AP2S1: variants seen among roughly 807,000 people sequenced by gnomAD.
AP2S1 encodes the protein adaptor related protein complex 2 subunit sigma 1.
Under a neutral mutation model 21.0 loss-of-function variants are expected in AP2S1, and 6 were observed. That is an observed-to-expected ratio of 0.29 (90% confidence interval 0.16 to 0.56). AP2S1 has a LOEUF of 0.56. Among genes scored for constraint, AP2S1 ranks in the 20% least tolerant of loss-of-function variants. AP2S1 has a pLI of 0.92. For missense variants in AP2S1, 60 were observed against 186.2 expected (o/e 0.32, Z 3.95); for synonymous variants, 63 against 74.6 (o/e 0.84, Z 0.80).
chr19:46,844,699 C>T (rs1423831974), intron 2 of AP2S1, among the ~76,000 whole-genome samples: 1 of 152,168 alleles, frequency 6.6e-6, no homozygotes, highest in Non-Finnish European at 1.5e-5. Context: ...ACTCAGGAGG[C>T]TGAGGTGGGA....
intron 2 of AP2S1, 132 bp downstream of exon 2, chr19:46,845,861 A>C: frequency 3.3e-6 from 4 of 1,202,436 alleles, no homozygotes; most frequent in Non-Finnish European, 3.5e-6. Context: ...AAGCAAGCTC[A>C]AAGCAGGTTG....
intron 1 of AP2S1, among the ~76,000 whole-genome samples, chr19:46,846,576 T>C (rs954306217): frequency 3.3e-5 from 5 of 151,772 alleles, no homozygotes; most frequent in East Asian, 1.9e-4. Context: ...GTGCCCTGCT[T>C]TGTCTGCCCC....
rs755655665 is a variant in AP2S1 at position 46,850,636 on chromosome 19, C to T, written c.3+128G>A. 22 of 917,480 alleles carry T rather than the reference C, an allele frequency of 2.4e-5. No individual in the cohort carries two copies. The South Asian group carries it at 2.9e-4, about 12-fold the overall frequency. 56.8% of individuals were successfully genotyped at this position (917,480 alleles called of 1,614,324 possible). Reference sequence around the variant, plus strand: ...TTCCCGGCCCTGGATCGGTCCCAATCCCCAGAGCCCGCGCCTGACCCAGAC... The same window carrying T: ...TTCCCGGCCCTGGATCGGTCCCAATTCCCAGAGCCCGCGCCTGACCCAGAC... On this transcript the variant is annotated intron_variant, in intron 1 of 4. Coordinates refer to ENST00000263270, the MANE Select transcript of AP2S1 (RefSeq NM_004069.6).
chr19:46,846,026 G>A lies in AP2S1; in HGVS notation c.120C>T (p.Thr40=), dbSNP rs890897569. The part of the protein sequence containing the change: ...KLIEEVHAVV[T]VRDAKHTNFV... ...AGTTGGTGTGTTTGGCGTCTCGGAC[G>A]GTGACCACGGCATGCACCTCCTCGA... is the stretch of plus-strand genomic sequence containing the variant. The change falls in exon 2 of 5, where the codon ACC becomes ACT. Residue 40 remains threonine (T), a synonymous_variant. Transcript: ENST00000263270. 43 of 1,613,994 alleles carry A rather than the reference G, an allele frequency of 2.7e-5. No homozygotes were observed. Among genetic ancestry groups the A allele is most frequent in the Middle Eastern group, 1.6e-4 (1 of 6,084 alleles).
chr19:46,850,791 G>T lies in AP2S1; in HGVS notation c.-25C>A, dbSNP rs373702303. 10 of 1,565,132 alleles carry T rather than the reference G, an allele frequency of 6.4e-6. No individual in the cohort carries two copies. The highest frequency in any genetic ancestry group is 8.7e-6 in the Non-Finnish European group (10 of 1,155,090). ...TGGCGACCCCCGTCCAGACCCCAGC[G>T]GCCCCGGTCCCGCGGCGACTGGGCA... is the stretch of plus-strand genomic sequence containing the variant. On this transcript the variant is annotated 5_prime_UTR_variant, in exon 1 of 5. Transcript: ENST00000263270.
chr19:46,844,881 C>T (rs187678401), intron 2 of AP2S1, among the ~76,000 whole-genome samples: 1,585 of 150,194 alleles, frequency 0.011, 10 homozygotes, highest in Non-Finnish European at 0.016. Flanking sequence ...GCGGGTGGAT[C>T]ACTTGAGATC....
chr19:46,849,468 T>TG (rs1394294558), intron 1 of AP2S1, among the ~76,000 whole-genome samples: 1 of 152,026 alleles, frequency 6.6e-6, no homozygotes, highest in Admixed American at 6.6e-5. Context: ...GAAGGGACGT[T>TG]GGGGGGCCTA....
At chr19:46,850,108 C>T in intron 1 of AP2S1, 1 of 1,228,802 alleles carries the variant, frequency 8.1e-7, no homozygotes, top group Non-Finnish European at 1.0e-6. Flanking sequence ...CAGTTGCTCC[C>T]CATTCTTTCC....
chr19:46,838,907 G>T lies in AP2S1; in HGVS notation c.268-108C>A, dbSNP rs1185899559. The T allele has an allele frequency of 1.1e-4, 102 of 896,176 alleles. No homozygotes were observed. In the East Asian group the frequency reaches 2.5e-3, roughly 22 times the overall value. 55.5% of individuals were successfully genotyped at this position (896,176 alleles called of 1,614,324 possible). A position where few individuals can be genotyped will look rare whatever the true frequency, so the allele number is the denominator to read the frequency against. ...AGAGACAGCAAAAAAAGAGACCAAGGGGGAGGCAGGGGAGAGAGAGAGACA... is the reference window on the plus strand; with the variant it reads ...AGAGACAGCAAAAAAAGAGACCAAGTGGGAGGCAGGGGAGAGAGAGAGACA... On this transcript the variant is annotated intron_variant, in intron 3 of 4. Transcript: ENST00000263270. The surrounding 1 kb of genome is among the most constrained non-coding windows in gnomAD (Gnocchi z 4.1).
At chr19:46,839,425 C>CG in intron 3 of AP2S1, 40 bp downstream of exon 3, 40 of 643,258 alleles carry the variant, frequency 6.2e-5, no homozygotes, top group Non-Finnish European at 1.1e-4. Flanking sequence ...TCCAGGGCTG[C>CG]CCACCCGCCT....
intron 2 of AP2S1, among the ~76,000 whole-genome samples, chr19:46,842,578 C>T (rs947028775): frequency 1.3e-5 from 2 of 152,184 alleles, no homozygotes; most frequent in South Asian, 2.1e-4. Flanking sequence ...GTAACATTCT[C>T]ATTTGCCCAG....
chr19:46,839,303 A>G lies in AP2S1; in HGVS notation c.267+162T>C, dbSNP rs1269731106. ...CTCCGTCTCAAAAAAAAAAAAAAAA[A>G]AAAAAAAAAAAAAAGAAAAAGAAAA... On this transcript the variant is annotated intron_variant, in intron 3 of 4. Transcript: ENST00000263270. Among the ~76,000 whole-genome samples the G allele has an allele frequency of 1.6e-4, 21 of 133,168 alleles. No individual in the cohort carries two copies. The East Asian group carries it at 2.5e-3, about 16-fold the overall frequency. The allele number at this position is 133,168 out of a possible 152,430, so 87.4% of individuals were successfully genotyped here.
At chr19:46,839,761 G>A in intron 2 of AP2S1, 183 bp from the exon 3 acceptor site, 2 of 1,016,742 alleles carry the variant, frequency 2.0e-6, no homozygotes, top group South Asian at 1.7e-5. Context: ...AGTGCAGCGG[G>A]GGCAGGCATC....
intron 1 of AP2S1, among the ~76,000 whole-genome samples, 174 bp from the exon 2 acceptor site, chr19:46,846,316 A>G (rs2055632731): frequency 6.6e-6 from 1 of 151,706 alleles, no homozygotes; most frequent in Non-Finnish European, 1.5e-5. Flanking sequence ...CGGCCTGGCC[A>G]CACGCTTCAT....
chr19:46,839,654 C>G, intron 2 of AP2S1, 76 bp from the exon 3 acceptor site: 1 of 1,602,450 alleles, frequency 6.2e-7, no homozygotes. Flanking sequence ...CCAAAACATT[C>G]ACTCCTTCAC....
chr19:46,848,167 G>C (rs778690249), intron 1 of AP2S1, among the ~76,000 whole-genome samples: 2 of 152,016 alleles, frequency 1.3e-5, no homozygotes, highest in Non-Finnish European at 2.9e-5. Flanking sequence ...TCAGGAGTTC[G>C]AGACCAGTTT....
chr19:46,840,757 GCC>G (rs2055506131), intron 2 of AP2S1, among the ~76,000 whole-genome samples: 1 of 126,738 alleles, frequency 7.9e-6, no homozygotes, highest in African/African-American at 3.1e-5. Flanking sequence ...TGGCTCTGAC[GCC>G]CAGGCTGGAG....
rs909335483 is a variant in AP2S1 at position 46,838,225 on chromosome 19, C to T, written c.*222G>A. The T allele has an allele frequency of 1.4e-5, 8 of 581,436 alleles. No individual in the cohort carries two copies. Among genetic ancestry groups the T allele is most frequent in the Non-Finnish European group, 2.2e-5 (7 of 324,460 alleles). The allele number at this position is 581,436 out of a possible 1,614,324, so 36.0% of individuals were successfully genotyped here. On this transcript the variant is annotated 3_prime_UTR_variant, in exon 5 of 5. Coordinates refer to ENST00000263270, the MANE Select transcript of AP2S1 (RefSeq NM_004069.6). This position sits in a 1 kb window ranked among gnomAD's most constrained non-coding sequence, Gnocchi z 4.1. Reference sequence around the variant, plus strand: ...ACGCACAGACGCTTATGGCATCACACGACAACGGCACGGTTACTCGGGACA... The same window carrying T: ...ACGCACAGACGCTTATGGCATCACATGACAACGGCACGGTTACTCGGGACA...
chr19:46,850,447 C>A (rs2055718187), intron 1 of AP2S1: 2 of 788,392 alleles, frequency 2.5e-6, no homozygotes, highest in Non-Finnish European at 3.6e-6. Context: ...TTCTCGCTAC[C>A]CACAAGACTG....
Sources: allele counts gnomAD v4.1 joint callset (sites outside exome capture counted in the v4.1 genomes callset), GRCh38; gene constraint gnomAD v4.1.1; non-coding constraint Gnocchi (gnomAD v3.1); transcripts MANE v1.5; gene names NCBI Gene and HGNC (gene_info 2026-07-23, HGNC 2026-07-21).